Variants in ANK3 observed in about 807,000 individuals in gnomAD.
The protein encoded by ANK3 is ankyrin 3, also known as ankyrin-3.
Under a neutral mutation model 370.9 loss-of-function variants are expected in ANK3, and 57 were observed. The observed-to-expected ratio is 0.15, with a 90% CI of 0.12 to 0.19. The LOEUF is 0.19. Among genes scored for constraint, ANK3 ranks in the 10% least tolerant of loss-of-function variants. ANK3 has a pLI of 1.00. For synonymous variants in ANK3, 1,929 were observed against 1,946.3 expected (o/e 0.99, Z 0.23); for missense variants, 4,439 against 5,302.1 (o/e 0.84, Z 5.06).
chr10:60,656,780 C>A (rs1208746900), intron 1 of ANK3, among the ~76,000 whole-genome samples: 1 of 150,512 alleles, frequency 6.6e-6, no homozygotes, highest in Non-Finnish European at 1.5e-5. Flanking sequence ...TTCTTTGAAT[C>A]TGGTACCTCT....
chr10:60,250,353 A>T (rs1238035992), intron 7 of ANK3, among the ~76,000 whole-genome samples: 1 of 152,062 alleles, frequency 6.6e-6, no homozygotes, highest in Non-Finnish European at 1.5e-5. Context: ...CTGTTAGAAC[A>T]TTTGCTTTTA....
chr10:60,512,968 C>A (rs1339367872), intron 2 of ANK3, among the ~76,000 whole-genome samples: 1 of 152,082 alleles, frequency 6.6e-6, no homozygotes, highest in Non-Finnish European at 1.5e-5. Context: ...TCATTAAAAA[C>A]TTGCACTTAG....
At chr10:60,303,938 G>C (rs910562892) in intron 1 of ANK3, among the ~76,000 whole-genome samples, 1 of 151,820 alleles carries the variant, frequency 6.6e-6, no homozygotes, top group Non-Finnish European at 1.5e-5. Flanking sequence ...ATCATAAAGA[G>C]AGATAAATCC....
At chr10:60,264,964 T>G (rs1466362069) in intron 5 of ANK3, among the ~76,000 whole-genome samples, 2 of 151,992 alleles carry the variant, frequency 1.3e-5, no homozygotes, top group African/African-American at 4.8e-5. Flanking sequence ...TTCTGGTTAT[T>G]GTCTTTTTTC....
At chr10:60,424,501 C>T (rs771295179) in intron 2 of ANK3, among the ~76,000 whole-genome samples, 1 of 151,998 alleles carries the variant, frequency 6.6e-6, no homozygotes, top group African/African-American at 2.4e-5. Flanking sequence ...AAATTCAGGT[C>T]AATTACACCA....
At chr10:60,363,680 C>G (rs61846516) in intron 1 of ANK3, among the ~76,000 whole-genome samples, 11,812 of 152,172 alleles carry the variant, frequency 0.078, 904 homozygotes, top group East Asian at 0.26. Context: ...ATAAGAAATT[C>G]AAAACATTAC....
intron 1 of ANK3, among the ~76,000 whole-genome samples, chr10:60,365,870 A>T (rs2059318340): frequency 6.6e-6 from 1 of 152,212 alleles, no homozygotes; most frequent in Non-Finnish European, 1.5e-5. Context: ...AACCACCAAG[A>T]TAAACTATGA....
chr10:60,238,769 C>G (rs980358949), intron 7 of ANK3, among the ~76,000 whole-genome samples: 1 of 152,134 alleles, frequency 6.6e-6, no homozygotes, highest in Non-Finnish European at 1.5e-5. Flanking sequence ...AGCTCAACTC[C>G]TGCCAAAACA....
intron 4 of ANK3, among the ~76,000 whole-genome samples, chr10:60,274,034 C>T (rs545256880): frequency 9.9e-5 from 15 of 152,220 alleles, no homozygotes; most frequent in African/African-American, 1.9e-4. Context: ...GGTGTGTAGT[C>T]GTGTGATTAT....
chr10:60,204,862 G>T (rs1203273400), intron 11 of ANK3, among the ~76,000 whole-genome samples: 1 of 152,176 alleles, frequency 6.6e-6, no homozygotes, highest in African/African-American at 2.4e-5. Context: ...CCAGGCTGGG[G>T]AGTGAGCGGG....
intron 1 of ANK3, among the ~76,000 whole-genome samples, chr10:60,286,362 CT>C (rs938560504): frequency 6.6e-6 from 1 of 152,020 alleles, no homozygotes; most frequent in Non-Finnish European, 1.5e-5. Context: ...ATCATTCTGT[CT>C]TTTTTTGTCT....
intron 2 of ANK3, among the ~76,000 whole-genome samples, chr10:60,501,620 GT>G (rs1453610271): frequency 2.7e-5 from 4 of 147,952 alleles, no homozygotes; most frequent in African/African-American, 9.9e-5. Flanking sequence ...CAGAAGAAAT[GT>G]TTGAACCCTG....
intron 2 of ANK3, among the ~76,000 whole-genome samples, chr10:60,512,786 T>C (rs2076120613): frequency 6.6e-6 from 1 of 152,136 alleles, no homozygotes; most frequent in South Asian, 2.1e-4. Context: ...ATCATTTGGA[T>C]TAAATATATG....
At chr10:60,486,547 T>C (rs2075353450) in intron 2 of ANK3, among the ~76,000 whole-genome samples, 1 of 152,214 alleles carries the variant, frequency 6.6e-6, no homozygotes, top group Non-Finnish European at 1.5e-5. Context: ...GCCACTGCAC[T>C]GCAGCCTGGG....
intron 7 of ANK3, among the ~76,000 whole-genome samples, chr10:60,237,226 C>G (rs1399175648): frequency 6.6e-6 from 1 of 152,154 alleles, no homozygotes; most frequent in Non-Finnish European, 1.5e-5. Context: ...TGTCTGTTTT[C>G]TGAGTACAAG....
At chr10:60,409,340 T>C (rs2063513992) in intron 2 of ANK3, among the ~76,000 whole-genome samples, 1 of 152,190 alleles carries the variant, frequency 6.6e-6, no homozygotes, top group Non-Finnish European at 1.5e-5. Flanking sequence ...GGAATTGGTC[T>C]CCATTCTGAA....
chr10:60,471,421 G>C (rs921363830), intron 2 of ANK3, among the ~76,000 whole-genome samples: 2 of 152,074 alleles, frequency 1.3e-5, no homozygotes, highest in African/African-American at 2.4e-5. Flanking sequence ...CAGTATACTG[G>C]TCTATGCTGA....
intron 11 of ANK3, among the ~76,000 whole-genome samples, chr10:60,204,750 G>GTTCT (rs2096735453): frequency 2.6e-5 from 4 of 152,100 alleles, no homozygotes; most frequent in African/African-American, 9.7e-5. Flanking sequence ...AGCCTCTGGG[G>GTTCT]TTCTTGGGGG....
chr10:60,586,418 C>A (rs1435897661), intron 2 of ANK3, among the ~76,000 whole-genome samples: 1 of 152,088 alleles, frequency 6.6e-6, no homozygotes, highest in Admixed American at 6.5e-5. Context: ...TTCGTTTTTC[C>A]AAACGGGAGT....
Sources: allele counts gnomAD v4.1 joint callset (sites outside exome capture counted in the v4.1 genomes callset), GRCh38; gene constraint gnomAD v4.1.1; transcripts MANE v1.5; gene names NCBI Gene and HGNC (gene_info 2026-07-23, HGNC 2026-07-21).